The following PKHD1 variants were observed in gnomAD, a reference collection of about 807,000 sequenced individuals.
PKHD1 encodes the protein PKHD1 ciliary IPT domain containing fibrocystin/polyductin.
Under a neutral mutation model 412.0 loss-of-function variants are expected in PKHD1, and 291 were observed. The observed-to-expected ratio is 0.71, with a 90% CI of 0.64 to 0.78. The LOEUF (loss-of-function observed/expected upper bound fraction) is 0.78, where lower values mean the gene tolerates loss of function less well. Among genes scored for constraint, PKHD1 ranks in the 30% least tolerant of loss-of-function variants. The probability of loss-of-function intolerance (pLI) is 0.00; values close to 1 mark genes in which losing one functional copy is unlikely to be tolerated. For missense variants in PKHD1, 4,825 were observed against 4,950.7 expected, an observed-to-expected ratio of 0.97 and a Z score of 0.76; for synonymous variants, 1,777 against 1,821.5, an observed-to-expected ratio of 0.98 and a Z score of 0.62.
At chr6:51,805,587 T>C (rs2151357223) in intron 52 of PKHD1, among the ~76,000 whole-genome samples, 1 of 152,268 alleles carries the variant, frequency 6.6e-6, no homozygotes, top group East Asian at 1.9e-4. Context: ...ATGCCCACAT[T>C]GCTGAATCTG....
Position 51,807,479 on chromosome 6 carries a change from A to ATGTGTG in PKHD1, c.8303-16107_8303-16106insCACACA, listed in dbSNP as rs1216842472. Among the ~76,000 whole-genome samples the ATGTGTG allele has an allele frequency of 6.1e-4, 63 of 103,448 alleles. 2 individuals carry two copies. Among genetic ancestry groups the ATGTGTG allele is most frequent in the African/African-American group, 1.8e-3 (37 of 20,112 alleles). 67.9% of individuals were successfully genotyped at this position (103,448 alleles called of 152,430 possible). A position where few individuals can be genotyped will look rare whatever the true frequency, so the allele number is the denominator to read the frequency against. On this transcript the variant is annotated intron_variant, in intron 52 of 66. Transcript: ENST00000371117. Reference sequence around the variant, plus strand: ...AAAAAATATATATATATATATATATATGTATATGTGTGTGTGTGTGTGTGT... The same window carrying ATGTGTG: ...AAAAAATATATATATATATATATATATGTGTGTGTATATGTGTGTGTGTGTGTGTGT...
At chr6:51,680,419 C>A (rs781492790) in intron 60 of PKHD1, among the ~76,000 whole-genome samples, 5 of 152,008 alleles carry the variant, frequency 3.3e-5, no homozygotes, top group Admixed American at 6.6e-5. Context: ...CATAAGTGGC[C>A]AAGTAACTAT....
At chr6:52,006,526 G>A (rs901656391) in intron 35 of PKHD1, among the ~76,000 whole-genome samples, 5 of 151,988 alleles carry the variant, frequency 3.3e-5, no homozygotes, top group South Asian at 2.1e-4. Context: ...ACAGGTACCC[G>A]CCACCATGCT....
rs531692818 is a variant in PKHD1 at position 51,720,419 on chromosome 6, G to A, written c.10156+23966C>T. Among the ~76,000 whole-genome samples, 6 of 152,278 alleles carry A rather than the reference G, an allele frequency of 3.9e-5. No individual in the cohort carries two copies. In the South Asian group the frequency reaches 1.2e-3, roughly 32 times the overall value. ...CTCATTTGCACGGCACCCTTGTTCAGTCCCTACAGCCTGCTTTCCTCCAGT... is the reference window on the plus strand; with the variant it reads ...CTCATTTGCACGGCACCCTTGTTCAATCCCTACAGCCTGCTTTCCTCCAGT... On this transcript the variant is annotated intron_variant, in intron 60 of 66. Transcript: ENST00000371117.
chr6:52,056,892 G>A lies in PKHD1; in HGVS notation c.1600C>T (p.Leu534=). 1.9e-6 allele frequency: 3 copies of A among 1,611,768 alleles called. No individual in the cohort carries two copies. The highest frequency in any genetic ancestry group is 2.5e-6 in the Non-Finnish European group (3 of 1,177,868). ...CATTTTTTGAAGAAGTCTCCCACCA[G>A]ATGGGCTGTGGCATTTGCAGGGATT... ...QPIPANATAH[L]IQTTIEELLA... is the part of the protein sequence containing the mutation. The change falls in exon 17 of 67, where the codon CTG becomes TTG. Residue 534 remains leucine (L), a splice_region_variant and synonymous_variant. Coordinates refer to ENST00000371117, the MANE Select transcript of PKHD1 (RefSeq NM_138694.4).
Position 51,618,722 on chromosome 6 carries a change from T to C in PKHD1, c.*359A>G, listed in dbSNP as rs1000439341. 1.7e-5 allele frequency: 6 copies of C among 351,746 alleles called. No homozygotes were observed. Among genetic ancestry groups the C allele is most frequent in the Admixed American group, 8.4e-5 (2 of 23,810 alleles). The allele number at this position is 351,746 out of a possible 1,614,324, so 21.8% of individuals were successfully genotyped here. A position where few individuals can be genotyped will look rare whatever the true frequency, so the allele number is the denominator to read the frequency against. On this transcript the variant is annotated 3_prime_UTR_variant, in exon 67 of 67. Coordinates refer to ENST00000371117, the MANE Select transcript of PKHD1 (RefSeq NM_138694.4). ...CCTTCTATAAAAGAAGCTCAAAGCA[T>C]TGTGGGTGGTCAATCCAGAGAATGC...
chr6:51,933,539 T>C (rs1786979464), intron 37 of PKHD1, among the ~76,000 whole-genome samples: 1 of 152,196 alleles, frequency 6.6e-6, no homozygotes, highest in South Asian at 2.1e-4. Flanking sequence ...TATGCTGCAA[T>C]TACAAATGCA....
At chr6:51,937,185 A>G (rs952623951) in intron 36 of PKHD1, among the ~76,000 whole-genome samples, 2 of 152,182 alleles carry the variant, frequency 1.3e-5, no homozygotes, top group Admixed American at 6.5e-5. Flanking sequence ...CTTTCAACCA[A>G]TTGCCAGTCA....
chr6:51,919,420 T>C (rs1784339683), intron 37 of PKHD1, among the ~76,000 whole-genome samples: 1 of 152,240 alleles, frequency 6.6e-6, no homozygotes, highest in Admixed American at 6.5e-5. Flanking sequence ...GTCAGGTTTG[T>C]CAAAGATCAG....
At chr6:51,966,594 G>A (rs756681585) in intron 35 of PKHD1, among the ~76,000 whole-genome samples, 22 of 151,948 alleles carry the variant, frequency 1.4e-4, no homozygotes, top group Non-Finnish European at 2.6e-4. Flanking sequence ...CAACACTTAC[G>A]GGGTGCACTT....
rs868504883 is a variant in PKHD1 at position 51,940,870 on chromosome 6, G to A, written c.5909-6548C>T. Among the ~76,000 whole-genome samples, 10 of 151,206 alleles carry A rather than the reference G, an allele frequency of 6.6e-5. No homozygotes were observed. In the South Asian group the frequency reaches 2.1e-3, roughly 31 times the overall value. ...AACCTCTTAAAACTCCCCAACTCTGGTGCCATCTTAGACAACATTCTTTTA... is the reference window on the plus strand; with the variant it reads ...AACCTCTTAAAACTCCCCAACTCTGATGCCATCTTAGACAACATTCTTTTA... On this transcript the variant is annotated intron_variant, in intron 36 of 66. Transcript: ENST00000371117.
chr6:51,711,868 G>A (rs1248213704), intron 60 of PKHD1, among the ~76,000 whole-genome samples: 2 of 152,168 alleles, frequency 1.3e-5, no homozygotes, highest in African/African-American at 4.8e-5. Context: ...GCAAATATGA[G>A]GCATCTCCTA....
intron 60 of PKHD1, among the ~76,000 whole-genome samples, chr6:51,687,171 G>A (rs1158091150): frequency 1.3e-5 from 2 of 151,984 alleles, no homozygotes; most frequent in Non-Finnish European, 2.9e-5. Flanking sequence ...TTAAACATGA[G>A]GCAAGAAGGT....
At position 51,892,017 on chromosome 6, in the gene PKHD1, A is replaced by G. The variant is rs542644715; in HGVS notation, c.6997-4772T>C. Among the ~76,000 whole-genome samples the G allele has an allele frequency of 1.3e-3, 203 of 152,218 alleles. 2 individuals carry two copies. The highest frequency in any genetic ancestry group is 4.7e-3 in the African/African-American group (194 of 41,534). ...GTTTATTTAGCTTTAGCTTCAATTC[A>G]CTGTGGGTCCCAAAGGTTCTTACCC... On this transcript the variant is annotated intron_variant, in intron 43 of 66. Transcript: ENST00000371117.
chr6:51,627,788 T>C (rs1051486161), intron 65 of PKHD1, among the ~76,000 whole-genome samples: 1 of 152,166 alleles, frequency 6.6e-6, no homozygotes. Flanking sequence ...TAATAGAAGA[T>C]TGTATATCTT....
chr6:51,702,440 G>C (rs1421996169), intron 60 of PKHD1, among the ~76,000 whole-genome samples: 4 of 151,610 alleles, frequency 2.6e-5, no homozygotes, highest in East Asian at 1.9e-4. Flanking sequence ...GAAAAGATAG[G>C]AGGCAGGTGA....
At chr6:51,960,863 C>A (rs146356460) in intron 35 of PKHD1, among the ~76,000 whole-genome samples, 2 of 152,186 alleles carry the variant, frequency 1.3e-5, no homozygotes, top group Admixed American at 6.6e-5. Context: ...TGATGTCATA[C>A]GTTTTTTAAA....
rs55992586 is a variant in PKHD1 at position 52,059,259 on chromosome 6, C to CTTTTTTTTTTTTTTT, written c.1233+654_1234-659dup. 4.0e-4 allele frequency among the ~76,000 whole-genome samples: 33 copies of CTTTTTTTTTTTTTTT among 83,526 alleles called. 1 individual carries two copies. Among genetic ancestry groups the CTTTTTTTTTTTTTTT allele is most frequent in the African/African-American group, 1.2e-3 (23 of 19,188 alleles). 54.8% of individuals were successfully genotyped at this position (83,526 alleles called of 152,430 possible). A position where few individuals can be genotyped will look rare whatever the true frequency, so the allele number is the denominator to read the frequency against. ...CTTTCTTTTTTTTCTTTTTCTTTTT[C>CTTTTTTTTTTTTTTT]TTTTTTTTTTTTTTTTTTTTTTTTG... On this transcript the variant is annotated intron_variant, in intron 15 of 66. Coordinates refer to ENST00000371117, the MANE Select transcript of PKHD1 (RefSeq NM_138694.4).
At chr6:51,872,291 A>T (rs1178617634) in intron 46 of PKHD1, among the ~76,000 whole-genome samples, 1 of 152,230 alleles carries the variant, frequency 6.6e-6, no homozygotes, top group Non-Finnish European at 1.5e-5. Context: ...AAAAAGAGCC[A>T]CAGCAAAGTG....
Sources: gnomAD v4.1 joint callset for allele counts (sites outside exome capture counted in the v4.1 genomes callset) on GRCh38, gnomAD v4.1.1 for gene constraint, MANE v1.5 for transcripts, NCBI Gene and HGNC (gene_info 2026-07-23, HGNC 2026-07-21) for gene names.